The following IRX4 variants were observed in gnomAD, a reference collection of about 807,000 sequenced individuals.
The protein encoded by IRX4 is iroquois-class homeodomain protein IRX-4.
A neutral mutation model predicts 32.0 loss-of-function variants in IRX4; 22 were observed. The ratio of observed to expected loss-of-function variants is 0.69; its 90% CI spans 0.49 to 0.98. The LOEUF is 0.98. Ranked by LOEUF, IRX4 falls within the 50% of genes least tolerant of loss-of-function variation. IRX4 has a pLI of 0.00. For missense variants in IRX4, 840 were observed against 744.2 expected (o/e 1.13, Z -1.50); for synonymous variants, 379 against 351.7 (o/e 1.08, Z -0.87).
At chr5:1,879,980 G>A in intron 3 of IRX4, 148 bp from the exon 4 acceptor site, 1 of 1,496,760 alleles carries the variant, frequency 6.7e-7, no homozygotes, top group Non-Finnish European at 8.9e-7. Flanking sequence ...GGCCCAGGTA[G>A]GACCCGAGCC....
chr5:1,878,151 C>T lies in IRX4; in HGVS notation c.1378G>A (p.Ala460Thr). Reference protein sequence around the residue: ...HSTLNQAWATAKGALLDPGPL... With the variant: ...HSTLNQAWATTKGALLDPGPL... ...CCGGGGTCCAGGAGGGCGCCCTTGG[C>T]GGTGGCCCAGGCCTGGTTCAAAGTG... Residue 460 changes from alanine (A) to threonine (T), a missense_variant, in exon 5 of 5, where the codon GCC (alanine) becomes ACC (threonine). Ala to Thr is a moderately conservative substitution (Grantham distance 58). This residue lies in a region of IRX4 where 585 missense variants were observed against 488.0 expected (regional missense o/e 1.20). Coordinates refer to ENST00000231357, the MANE Select transcript of IRX4 (RefSeq NM_016358.3). The T allele has an allele frequency of 6.4e-7, 1 of 1,561,646 alleles. No homozygotes were observed.
Position 1,880,789 on chromosome 5 carries a change from G to A in IRX4, c.343C>T (p.Leu115=). ...KDGSGSAHGG[L]APAAAAYYPY... ...TAGTAGGCGGCAGCGGCTGGTGCCAGGCCCCCATGCGCAGATCCCGAACCA... is the reference window on the plus strand; with the variant it reads ...TAGTAGGCGGCAGCGGCTGGTGCCAAGCCCCCATGCGCAGATCCCGAACCA... The change falls in exon 3 of 5, where the codon CTG becomes TTG. Residue 115 remains leucine (L), a synonymous_variant. Transcript: ENST00000231357. The A allele has an allele frequency of 2.5e-6, 4 of 1,613,742 alleles. No homozygotes were observed. The highest frequency in any genetic ancestry group is 3.4e-6 in the Non-Finnish European group (4 of 1,180,004).
chr5:1,879,849 C>T lies in IRX4; in HGVS notation c.408-17G>A, dbSNP rs766024175. 4 of 1,612,804 alleles carry T rather than the reference C, an allele frequency of 2.5e-6. No individual in the cohort carries two copies. The highest frequency in any genetic ancestry group is 3.4e-6 in the Non-Finnish European group (4 of 1,179,960). On this transcript the variant is annotated splice_polypyrimidine_tract_variant and intron_variant, in intron 3 of 4. Coordinates refer to ENST00000231357, the MANE Select transcript of IRX4 (RefSeq NM_016358.3). ...GTTCCATACCTGGAGACAGGCTCTG[C>T]AATGGGCTCAGGCTGGGCCCTCTGG... is the stretch of plus-strand genomic sequence containing the variant.
intron 1 of IRX4, 58 bp downstream of exon 1, chr5:1,882,545 C>T (rs1313220625): frequency 1.4e-6 from 2 of 1,417,334 alleles, no homozygotes; most frequent in African/African-American, 1.5e-5. Flanking sequence ...CCCCCGTCCC[C>T]GCCCCATCCG....
intron 3 of IRX4, 37 bp downstream of exon 3, chr5:1,880,688 G>A (rs374782108): frequency 1.1e-5 from 16 of 1,406,712 alleles, no homozygotes; most frequent in South Asian, 4.6e-5. Context: ...CAGAGGGCCC[G>A]TGGGGCTAGT....
chr5:1,879,083 C>A (rs1735329603), intron 4 of IRX4, among the ~76,000 whole-genome samples: 1 of 151,950 alleles, frequency 6.6e-6, no homozygotes, highest in South Asian at 2.1e-4. Context: ...ACTCCGCCTC[C>A]AGGGTTCAGG....
chr5:1,880,955 G>A, intron 2 of IRX4, 121 bp from the exon 3 acceptor site: 6 of 779,378 alleles, frequency 7.7e-6, no homozygotes, highest in Non-Finnish European at 1.4e-5. Context: ...CCTACGCCCC[G>A]GCAGGAAGGA....
chr5:1,880,858 T>C, intron 2 of IRX4, 24 bp from the exon 3 acceptor site: 1 of 1,595,442 alleles, frequency 6.3e-7, no homozygotes, highest in South Asian at 1.1e-5. Flanking sequence ...GAGTCTGGGG[T>C]CGCAGTTTCC....
At chr5:1,881,765 C>G (rs530135047) in intron 2 of IRX4, 43 bp downstream of exon 2, 2 of 1,558,624 alleles carry the variant, frequency 1.3e-6, no homozygotes, top group Admixed American at 3.8e-5. Context: ...CTTGGCAAAT[C>G]GAGGGCCAGG....
intron 4 of IRX4, 110 bp downstream of exon 4, chr5:1,879,394 C>T (rs1735342116): frequency 1.3e-6 from 2 of 1,542,624 alleles, no homozygotes; most frequent in Non-Finnish European, 1.8e-6. Flanking sequence ...CGGTGACCGC[C>T]TAGGCATGGG....
chr5:1,878,087 A>T lies in IRX4; in HGVS notation c.1442T>A (p.Leu481Gln). 1.3e-6 allele frequency: 2 copies of T among 1,531,596 alleles called. No homozygotes were observed. The highest frequency in any genetic ancestry group is 2.5e-5 in the East Asian group (1 of 40,764). The allele number at this position is 1,531,596 out of a possible 1,614,324, so 94.9% of individuals were successfully genotyped here. The change falls in exon 5 of 5, where the codon CTG becomes CAG. Residue 481 changes from leucine (L) to glutamine (Q), a missense_variant. Transcript: ENST00000231357. Reference protein sequence around the residue: ...GRSLGAGANVLTAPLARAFPP... With the variant: ...GRSLGAGANVQTAPLARAFPP... ...AAAGGCGCGGGCCAGGGGTGCAGTC[A>T]GCACGTTCGCGCCCGCCCCCAGCGA...
chr5:1,885,075 G>A (rs1226249289), upstream of IRX4, among the ~76,000 whole-genome samples: 2 of 152,106 alleles, frequency 1.3e-5, no homozygotes, highest in African/African-American at 2.4e-5. Context: ...ACCTGGCCTC[G>A]GCGACTGTGA....
At chr5:1,886,575 C>T (rs564978886), upstream of IRX4, among the ~76,000 whole-genome samples, 1 of 152,180 alleles carries the variant, frequency 6.6e-6, no homozygotes, top group South Asian at 2.1e-4. Context: ...CAACCGCCCT[C>T]CATGGGGGCC....
Position 1,881,899 on chromosome 5 carries a change from G to T in IRX4, c.206C>A (p.Ala69Glu). 2 of 1,585,014 alleles carry T rather than the reference G, an allele frequency of 1.3e-6. No homozygotes were observed. Among genetic ancestry groups the T allele is most frequent in the African/African-American group, 1.3e-5 (1 of 74,224 alleles). ...TARHELNSAA[A>E]LGVYGGPYGG... ...ATAGGGACCCCCATAGACGCCCAGC[G>T]CCGCGGCCGAGTTGAGCTCGTGGCG... The change falls in exon 2 of 5, where the codon GCG becomes GAG. Residue 69 changes from alanine to glutamate, a missense_variant. Ala to Glu is a moderately radical substitution (Grantham distance 107). Transcript: ENST00000231357.
At position 1,882,738 on chromosome 5, in the gene IRX4, C is replaced by T; in HGVS notation, c.-91G>A. 6 of 801,372 alleles carry T rather than the reference C, an allele frequency of 7.5e-6. No individual in the cohort carries two copies. The highest frequency in any genetic ancestry group is 1.1e-5 in the Non-Finnish European group (6 of 561,090). The allele number at this position is 801,372 out of a possible 1,614,324, so 49.6% of individuals were successfully genotyped here. On this transcript the variant is annotated 5_prime_UTR_variant, in exon 1 of 5. Coordinates refer to ENST00000231357, the MANE Select transcript of IRX4 (RefSeq NM_016358.3). ...GCGGCCACTGCTCCGGAGCTGCAGG[C>T]TTCTAGGCGCTGGGAGGGCGAAGCA...
At position 1,881,218 on chromosome 5, in the gene IRX4, A is replaced by C. The variant is rs1243537361; in HGVS notation, c.298-384T>G. On this transcript the variant is annotated intron_variant, in intron 2 of 4. Transcript: ENST00000231357. The stretch of plus-strand genomic sequence containing the variant: ...GCTGGGGATGCCCTGGGATGCACTC[A>C]AGTGGGGAGGAAAAAGGGGTGGAGA... 1.1e-5 allele frequency: 3 copies of C among 270,224 alleles called. No individual in the cohort carries two copies. In the East Asian group the frequency reaches 3.1e-4, roughly 28 times the overall value. The allele number at this position is 270,224 out of a possible 1,614,324, so 16.7% of individuals were successfully genotyped here.
chr5:1,878,644 G>A lies in IRX4; in HGVS notation c.885C>T (p.Gly295=). The A allele has an allele frequency of 6.3e-7, 1 of 1,593,038 alleles. No homozygotes were observed. Among genetic ancestry groups the A allele is most frequent in the Non-Finnish European group, 8.5e-7 (1 of 1,170,682 alleles). The change falls in exon 5 of 5, where the codon GGC becomes GGT. Residue 295 remains glycine (G), a synonymous_variant. Coordinates refer to ENST00000231357, the MANE Select transcript of IRX4 (RefSeq NM_016358.3). The part of the protein sequence containing the change: ...GLERVPAAPD[G]PVKEASGALR... Reference sequence around the variant, plus strand: ...GCGCGCCTGAGGCCTCCTTGACCGGGCCGTCGGGCGCGGCGGGGACGCGCT... The same window carrying A: ...GCGCGCCTGAGGCCTCCTTGACCGGACCGTCGGGCGCGGCGGGGACGCGCT...
chr5:1,877,807 G>A lies in IRX4; in HGVS notation c.*162C>T. On this transcript the variant is annotated 3_prime_UTR_variant, in exon 5 of 5. Coordinates refer to ENST00000231357, the MANE Select transcript of IRX4 (RefSeq NM_016358.3). Reference sequence around the variant, plus strand: ...GTGGAGGCCCCGGCGTGGCAGCGCCGGGCTTGTCCATGTTCCCAGGAGTCC... The same window carrying A: ...GTGGAGGCCCCGGCGTGGCAGCGCCAGGCTTGTCCATGTTCCCAGGAGTCC... 1 of 678,368 alleles carries A rather than the reference G, an allele frequency of 1.5e-6. No individual in the cohort carries two copies. Among genetic ancestry groups the A allele is most frequent in the Non-Finnish European group, 2.3e-6 (1 of 429,584 alleles). The allele number at this position is 678,368 out of a possible 1,614,324, so 42.0% of individuals were successfully genotyped here. A position where few individuals can be genotyped will look rare whatever the true frequency, so the allele number is the denominator to read the frequency against.
chr5:1,881,304 T>C (rs1323015860), intron 2 of IRX4, among the ~76,000 whole-genome samples: 1 of 76,460 alleles, frequency 1.3e-5, no homozygotes, highest in Admixed American at 1.7e-4. Flanking sequence ...AGGAGAGAAA[T>C]GGGGAGGCGC....
Sources: gnomAD v4.1 joint callset for allele counts (sites outside exome capture counted in the v4.1 genomes callset) on GRCh38, gnomAD v4.1.1 for gene constraint, gnomAD v4.1.1 regional missense constraint, MANE v1.5 for transcripts, NCBI Gene and HGNC (gene_info 2026-07-23, HGNC 2026-07-21) for gene names.